CCNT1: variants seen among roughly 807,000 people sequenced by gnomAD.
The protein encoded by CCNT1 is cyclin T1.
Under a neutral mutation model 67.3 loss-of-function variants are expected in CCNT1, and 18 were observed. That is an observed-to-expected ratio of 0.27 (90% CI 0.18 to 0.40). The LOEUF is 0.40. Ranked by LOEUF, CCNT1 falls within the 10% of genes least tolerant of loss-of-function variation. The pLI, the probability that CCNT1 is intolerant of heterozygous loss-of-function variation, is 1.00. For missense variants in CCNT1, 744 were observed against 884.9 expected (o/e 0.84, Z 2.02); for synonymous variants, 333 against 310.3 (o/e 1.07, Z -0.77).
At chr12:48,701,128 A>G in intron 3 of CCNT1, 55 bp from the exon 4 acceptor site, 1 of 1,006,882 alleles carries the variant, frequency 9.9e-7, no homozygotes, top group Non-Finnish European at 1.5e-6. Context: ...TATAAAGTAT[A>G]AACAATTCTA....
intron 6 of CCNT1, among the ~76,000 whole-genome samples, chr12:48,696,943 G>A (rs112356205): frequency 0.056 from 8,478 of 152,006 alleles, 332 homozygotes; most frequent in Non-Finnish European, 0.081. Flanking sequence ...AGCAATTCTC[G>A]TGCCTCAGCC....
chr12:48,693,650 T>TATG lies in CCNT1; in HGVS notation c.1561_1563dup (p.His521dup), dbSNP rs371197465. On this transcript the variant is annotated inframe_insertion, in exon 9 of 9. Coordinates refer to ENST00000261900, the MANE Select transcript of CCNT1 (RefSeq NM_001240.4). ...TGAGAGTGCTTGTGTGAGTGGTGAT[T>TATG]ATGATGATGATGATGATTAGATGGG... 3.7e-5 allele frequency: 60 copies of TATG among 1,613,946 alleles called. No homozygotes were observed. The highest frequency in any genetic ancestry group is 4.7e-5 in the Non-Finnish European group (56 of 1,179,910).
rs1484960612 is a variant in CCNT1, at chr12:48,705,831, A to G, written c.309T>C (p.His103=). 1.9e-6 allele frequency: 3 copies of G among 1,613,780 alleles called. No homozygotes were observed. Among genetic ancestry groups the G allele is most frequent in the Admixed American group, 1.7e-5 (1 of 60,002 alleles). The change falls in exon 3 of 9, where the codon CAT becomes CAC. Residue 103 remains histidine, a synonymous_variant. Coordinates refer to ENST00000261900, the MANE Select transcript of CCNT1 (RefSeq NM_001240.4). ...KVEEQPKKLE[H]VIKVAHTCLH... is the part of the protein sequence containing the mutation. ...GACAAGTATGTGCTACCTTGATGAC[A>G]TGTTCCAATTTTTTGGGCTGCTCCT...
At chr12:48,715,023 G>A (rs1940512508) in intron 1 of CCNT1, among the ~76,000 whole-genome samples, 2 of 152,178 alleles carry the variant, frequency 1.3e-5, no homozygotes. Context: ...ATGTTGGCCA[G>A]GCTGGTCTTG....
rs762250252 is a variant in CCNT1, at chr12:48,693,005, GT to G, written c.*27del. 2.1e-6 allele frequency: 3 copies of G among 1,405,970 alleles called. No homozygotes were observed. Among genetic ancestry groups the G allele is most frequent in the African/African-American group, 1.5e-5 (1 of 68,484 alleles). The allele number at this position is 1,405,970 out of a possible 1,614,324, so 87.1% of individuals were successfully genotyped here. On this transcript the variant is annotated 3_prime_UTR_variant, in exon 9 of 9. Transcript: ENST00000261900. ...AAAAATTATGTGTTTTTTTAAAGAA[GT>G]TTTTTTCTCCTCTTCTTTTTCTTTT... is the stretch of plus-strand genomic sequence containing the variant.
chr12:48,704,660 T>C (rs1458688553), intron 3 of CCNT1, among the ~76,000 whole-genome samples: 1 of 152,080 alleles, frequency 6.6e-6, no homozygotes, highest in Non-Finnish European at 1.5e-5. Context: ...AATACAAAAA[T>C]TAGCTGTGTG....
intron 2 of CCNT1, among the ~76,000 whole-genome samples, chr12:48,714,183 C>T (rs1242002744): frequency 2.0e-5 from 3 of 152,176 alleles, no homozygotes; most frequent in Admixed American, 2.0e-4. Context: ...GCTGGGATTA[C>T]AGTTGTGAGC....
chr12:48,711,700 G>A (rs1295419299), intron 2 of CCNT1, among the ~76,000 whole-genome samples: 1 of 151,012 alleles, frequency 6.6e-6, no homozygotes, highest in African/African-American at 2.4e-5. Flanking sequence ...TATACTCCTT[G>A]CAATCAGAGC....
chr12:48,705,994 G>T, intron 2 of CCNT1, 98 bp from the exon 3 acceptor site: 1 of 1,218,758 alleles, frequency 8.2e-7, no homozygotes, highest in Non-Finnish European at 1.1e-6. Context: ...CAAGTTATTT[G>T]CTTGCCTCAA....
intron 2 of CCNT1, among the ~76,000 whole-genome samples, chr12:48,708,376 A>T (rs575011717): frequency 1.3e-5 from 2 of 152,046 alleles, no homozygotes; most frequent in African/African-American, 4.8e-5. Flanking sequence ...GTAAAACTCC[A>T]TATCTACTAA....
chr12:48,707,313 A>T (rs754322270), intron 2 of CCNT1, among the ~76,000 whole-genome samples: 35 of 146,036 alleles, frequency 2.4e-4, no homozygotes, highest in Non-Finnish European at 3.9e-4. Context: ...TTGAGACAGC[A>T]TCTCACTCTG....
At position 48,693,342 on chromosome 12, in the gene CCNT1, G is replaced by A. The variant is rs200749537; in HGVS notation, c.1872C>T (p.Ser624=). Residue 624 remains serine, a synonymous_variant, in exon 9 of 9, where the codon TCC becomes TCT. Coordinates refer to ENST00000261900, the MANE Select transcript of CCNT1 (RefSeq NM_001240.4). The part of the protein sequence containing the change: ...PGHSSDTSGL[S]FSQPSCKTRV... ...GAGTTTTACAGCTGGGCTGTGAAAA[G>A]GAAAGGCCACTTGTGTCTGAGCTAT... is the stretch of plus-strand genomic sequence containing the variant. 61 of 1,614,218 alleles carry A rather than the reference G, an allele frequency of 3.8e-5. No homozygotes were observed. The East Asian group carries it at 1.3e-3, about 34-fold the overall frequency.
intron 2 of CCNT1, among the ~76,000 whole-genome samples, chr12:48,710,111 C>T (rs1940426670): frequency 6.6e-6 from 1 of 151,938 alleles, no homozygotes; most frequent in South Asian, 2.1e-4. Flanking sequence ...AGGATGTTTT[C>T]GAACTCCTGA....
At chr12:48,699,636 G>A in intron 5 of CCNT1, 142 bp downstream of exon 5, 1 of 543,218 alleles carries the variant, frequency 1.8e-6, no homozygotes, top group East Asian at 2.9e-5. Context: ...AAAACATCAA[G>A]TCAGAACAAC....
Position 48,693,589 on chromosome 12 carries a change from G to T in CCNT1, c.1625C>A (p.Pro542His). The change falls in exon 9 of 9, where the codon CCT becomes CAT. Residue 542 changes from proline (P) to histidine (H), a missense_variant. Pro to His is a moderately conservative substitution (Grantham distance 77). Around this residue, in one of 3 missense-constraint regions of CCNT1, gnomAD observed 564 missense variants for 574.2 expected, o/e 0.98. Transcript: ENST00000261900. ...QLPVGTGNKR[P>H]GDPKHSSQTS... Reference sequence around the variant, plus strand: ...CTGGCTACTATGTTTTGGATCACCAGGACGTTTGTTCCCAGTACCAACTGG... The same window carrying T: ...CTGGCTACTATGTTTTGGATCACCATGACGTTTGTTCCCAGTACCAACTGG... 2.5e-6 allele frequency: 4 copies of T among 1,614,174 alleles called. No individual in the cohort carries two copies. Among genetic ancestry groups the T allele is most frequent in the Non-Finnish European group, 3.4e-6 (4 of 1,180,032 alleles).
rs1306740578 is a variant in CCNT1, at chr12:48,691,267, A to G, written c.*1766T>C. On this transcript the variant is annotated 3_prime_UTR_variant, in exon 9 of 9. Transcript: ENST00000261900. The stretch of plus-strand genomic sequence containing the variant: ...TACATCATCAATTCCAACAGCCACA[A>G]TTTTCTTCCCAACCTGTTCCTGGCA... The G allele has an allele frequency of 1.3e-5, 2 of 152,078 alleles. No homozygotes were observed. Among genetic ancestry groups the G allele is most frequent in the African/African-American group, 4.8e-5 (2 of 41,394 alleles). The allele number at this position is 152,078 out of a possible 1,614,324, so 9.4% of individuals were successfully genotyped here.
chr12:48,693,514 G>A lies in CCNT1; in HGVS notation c.1700C>T (p.Ser567Phe), dbSNP rs1216137507. The A allele has an allele frequency of 2.5e-6, 4 of 1,614,194 alleles. No homozygotes were observed. The Admixed American group carries it at 6.7e-5, about 27-fold the overall frequency. Reference protein sequence around the residue: ...KTYSLSSSFSSSSSTRKRGPS... With the variant: ...KTYSLSSSFSFSSSTRKRGPS... The stretch of plus-strand genomic sequence containing the variant: ...TCCCCTTTTACGAGTAGAACTGGAA[G>A]AGGAAAAAGAACTAGACAAGCTATA... The change falls in exon 9 of 9, where the codon TCT (serine) becomes TTT (phenylalanine). Residue 567 changes from serine to phenylalanine, a missense_variant. By Grantham distance (155) the Ser-to-Phe change is radical. Transcript: ENST00000261900.
chr12:48,690,875 G>A lies in CCNT1; in HGVS notation c.*2158C>T, dbSNP rs1434416177. The A allele has an allele frequency of 6.6e-6, 1 of 152,116 alleles. No homozygotes were observed. Among genetic ancestry groups the A allele is most frequent in the Non-Finnish European group, 1.5e-5 (1 of 68,014 alleles). The allele number at this position is 152,116 out of a possible 1,614,324, so 9.4% of individuals were successfully genotyped here. A position where few individuals can be genotyped will look rare whatever the true frequency, so the allele number is the denominator to read the frequency against. On this transcript the variant is annotated 3_prime_UTR_variant, in exon 9 of 9. Transcript: ENST00000261900. ...AAAGACATTTTTCAAAATCAAACCA[G>A]TGATCATCAAGTCCACAAAGATACA...
At chr12:48,715,896 A>ATTCT (rs1940526042) in intron 1 of CCNT1, among the ~76,000 whole-genome samples, 1 of 152,246 alleles carries the variant, frequency 6.6e-6, no homozygotes, top group Non-Finnish European at 1.5e-5. Flanking sequence ...TTCCTCTGAA[A>ATTCT]TTCTATAAAA....
Sources: gnomAD v4.1 joint callset for allele counts (sites outside exome capture counted in the v4.1 genomes callset) on GRCh38, gnomAD v4.1.1 for gene constraint, gnomAD v4.1.1 regional missense constraint, MANE v1.5 for transcripts, NCBI Gene and HGNC (gene_info 2026-07-23, HGNC 2026-07-21) for gene names.